The following PHF20 variants were observed in gnomAD, a reference collection of about 807,000 sequenced individuals.
PHF20 encodes glioma-expressed antigen 2.
A neutral mutation model predicts 113.5 loss-of-function variants in PHF20; 23 were observed. That is an observed-to-expected ratio of 0.20 (90% CI 0.15 to 0.29). The LOEUF (loss-of-function observed/expected upper bound fraction) is 0.29, where lower values mean the gene tolerates loss of function less well. Among genes scored for constraint, PHF20 ranks in the 10% least tolerant of loss-of-function variants. The pLI, the probability that PHF20 is intolerant of heterozygous loss-of-function variation, is 1.00. For missense variants in PHF20, 943 were observed against 1,219.6 expected, an observed-to-expected ratio of 0.77 and a Z score of 3.38; for synonymous variants, 434 against 457.3, an observed-to-expected ratio of 0.95 and a Z score of 0.65.
At chr20:35,909,174 A>G (rs917843336) in intron 10 of PHF20, among the ~76,000 whole-genome samples, 10 of 152,004 alleles carry the variant, frequency 6.6e-5, no homozygotes, top group Non-Finnish European at 1.0e-4. Context: ...TTCTTTATCC[A>G]GTTGAGGAAA....
intron 4 of PHF20, chr20:35,855,180 G>T: frequency 6.3e-6 from 6 of 952,504 alleles, no homozygotes; most frequent in Non-Finnish European, 8.4e-6. Flanking sequence ...TTGCACCATG[G>T]TTGCTTGAGA....
intron 13 of PHF20, 121 bp downstream of exon 13, chr20:35,917,783 CA>C: frequency 1.3e-6 from 1 of 788,576 alleles, no homozygotes; most frequent in South Asian, 1.9e-5. Context: ...CGAACGGCAG[CA>C]GACTGAGCTT....
chr20:35,937,341 G>T (rs562263793), intron 15 of PHF20, among the ~76,000 whole-genome samples: 3 of 152,110 alleles, frequency 2.0e-5, no homozygotes, highest in African/African-American at 7.2e-5. Flanking sequence ...GGTGACGCAT[G>T]CCTGTAATCC....
chr20:35,898,244 A>G (rs561120056), intron 9 of PHF20, among the ~76,000 whole-genome samples: 5 of 152,330 alleles, frequency 3.3e-5, no homozygotes, highest in East Asian at 1.9e-4. Context: ...CAAAGACTCA[A>G]TACTAAAACC....
At chr20:35,928,293 G>A (rs1185228702) in intron 14 of PHF20, among the ~76,000 whole-genome samples, 2 of 150,982 alleles carry the variant, frequency 1.3e-5, no homozygotes, top group Non-Finnish European at 3.0e-5. Flanking sequence ...ACAAAAATTA[G>A]CTGGGCATGG....
At chr20:35,898,617 G>A (rs1237804817) in intron 9 of PHF20, among the ~76,000 whole-genome samples, 1 of 151,314 alleles carries the variant, frequency 6.6e-6, no homozygotes, top group Non-Finnish European at 1.5e-5. Flanking sequence ...TTGTTTGTTT[G>A]TTTTTTGTTT....
intron 2 of PHF20, among the ~76,000 whole-genome samples, chr20:35,826,114 G>A (rs1454600061): frequency 6.6e-6 from 1 of 152,146 alleles, no homozygotes; most frequent in South Asian, 2.1e-4. Flanking sequence ...GCACGTTCTC[G>A]GCTTACTGCA....
Position 35,914,209 on chromosome 20 carries a change from C to G in PHF20, c.1825+12C>G. ...AGTGAAAGCATTGGGTAAGGAGGCT[C>G]TTCTGTCCTGATCATTTGCTGATCA... On this transcript the variant is annotated intron_variant, in intron 12 of 17. Coordinates refer to ENST00000374012, the MANE Select transcript of PHF20 (RefSeq NM_016436.5). The G allele has an allele frequency of 6.2e-7, 1 of 1,611,750 alleles. No homozygotes were observed. Among genetic ancestry groups the G allele is most frequent in the African/African-American group, 1.3e-5 (1 of 74,976 alleles).
intron 15 of PHF20, among the ~76,000 whole-genome samples, chr20:35,933,048 A>G (rs1420418051): frequency 6.6e-6 from 1 of 152,042 alleles, no homozygotes; most frequent in Non-Finnish European, 1.5e-5. Context: ...AAGGCTGAGT[A>G]ATAACTTGTT....
At chr20:35,810,663 A>G (rs1007570344) in intron 2 of PHF20, among the ~76,000 whole-genome samples, 2 of 152,180 alleles carry the variant, frequency 1.3e-5, no homozygotes, top group African/African-American at 4.8e-5. Flanking sequence ...CTGAGTTCAT[A>G]GCATTTTTGT....
chr20:35,932,575 C>T (rs1373908839), intron 15 of PHF20, among the ~76,000 whole-genome samples: 7 of 150,838 alleles, frequency 4.6e-5, no homozygotes, highest in Admixed American at 4.6e-4. Context: ...GGAATACAGG[C>T]GCACGCCACC....
At chr20:35,779,026 G>T (rs1031189789) in intron 1 of PHF20, among the ~76,000 whole-genome samples, 9 of 151,312 alleles carry the variant, frequency 5.9e-5, no homozygotes, top group South Asian at 2.1e-4. Flanking sequence ...GTTTTTTTTT[G>T]TTTTGTTTTG....
intron 9 of PHF20, among the ~76,000 whole-genome samples, chr20:35,886,575 A>G (rs1472318304): frequency 1.3e-5 from 2 of 152,252 alleles, no homozygotes; most frequent in South Asian, 2.1e-4. Flanking sequence ...GCCGACAAGA[A>G]TAGCAACTGT....
At chr20:35,823,861 G>A (rs1368412757) in intron 2 of PHF20, among the ~76,000 whole-genome samples, 1 of 152,112 alleles carries the variant, frequency 6.6e-6, no homozygotes, top group East Asian at 1.9e-4. Flanking sequence ...CTTAAACTTA[G>A]CGTAATGCAT....
At chr20:35,804,229 GTTT>G (rs1216930263) in intron 2 of PHF20, among the ~76,000 whole-genome samples, 1 of 99,578 alleles carries the variant, frequency 1.0e-5, no homozygotes. Flanking sequence ...GCTACTGTAT[GTTT>G]TTTTTTTTTT....
intron 2 of PHF20, 155 bp downstream of exon 2, chr20:35,801,760 G>C (rs1486789197): frequency 2.6e-5 from 15 of 574,482 alleles, no homozygotes; most frequent in Non-Finnish European, 3.1e-6. Context: ...TTGATGCAGG[G>C]ATCCCAGTGT....
At chr20:35,926,524 C>A (rs1268400451) in intron 13 of PHF20, among the ~76,000 whole-genome samples, 1 of 152,074 alleles carries the variant, frequency 6.6e-6, no homozygotes, top group East Asian at 1.9e-4. Context: ...CAAGCGTGAG[C>A]CACCGCGCCC....
intron 9 of PHF20, among the ~76,000 whole-genome samples, chr20:35,883,191 G>T (rs544622854): frequency 1.1e-4 from 16 of 152,212 alleles, no homozygotes; most frequent in Admixed American, 6.5e-4. Flanking sequence ...CTCCAGCCTT[G>T]ACAACAGAGT....
chr20:35,872,522 A>G (rs528673288), intron 9 of PHF20, among the ~76,000 whole-genome samples: 2 of 152,220 alleles, frequency 1.3e-5, no homozygotes, highest in South Asian at 4.1e-4. Context: ...GACTCAGTCT[A>G]AATAAATAAA....
Sources: allele counts gnomAD v4.1 joint callset (sites outside exome capture counted in the v4.1 genomes callset), GRCh38; gene constraint gnomAD v4.1.1; transcripts MANE v1.5; gene names NCBI Gene and HGNC (gene_info 2026-07-23, HGNC 2026-07-21).